The following KCNJ6 variants were observed in gnomAD, a reference collection of about 807,000 sequenced individuals.
KCNJ6 encodes G protein-activated inward rectifier potassium channel 2.
KCNJ6 carries 9 observed loss-of-function variants against 34.2 expected under a neutral mutation model. The ratio of observed to expected loss-of-function variants is 0.26; its 90% CI spans 0.16 to 0.46. The LOEUF is 0.46. Ranked by LOEUF, KCNJ6 falls within the 20% of genes least tolerant of loss-of-function variation. The pLI is 1.00. For missense variants in KCNJ6, 236 were observed against 531.3 expected (o/e 0.44, Z 5.46); for synonymous variants, 196 against 207.1 (o/e 0.95, Z 0.46).
At chr21:37,811,283 A>C (rs1195188935) in intron 2 of KCNJ6, among the ~76,000 whole-genome samples, 1 of 152,190 alleles carries the variant, frequency 6.6e-6, no homozygotes, top group African/African-American at 2.4e-5. Flanking sequence ...CCTTTATAAC[A>C]AGCTGGTAAA....
chr21:37,900,818 C>A (rs1465676864), intron 1 of KCNJ6, among the ~76,000 whole-genome samples: 2 of 152,010 alleles, frequency 1.3e-5, no homozygotes, highest in African/African-American at 2.4e-5. Flanking sequence ...GGAGTGAGAC[C>A]CACAGTAAAA....
chr21:37,725,735 G>A (rs2054851063), intron 2 of KCNJ6, among the ~76,000 whole-genome samples: 1 of 152,130 alleles, frequency 6.6e-6, no homozygotes, highest in African/African-American at 2.4e-5. Context: ...TTTTATAATA[G>A]TGAAAAATCA....
intron 2 of KCNJ6, among the ~76,000 whole-genome samples, chr21:37,803,372 TAGTAGAACAAGACATC>T (rs2055278784): frequency 6.6e-6 from 1 of 152,140 alleles, no homozygotes; most frequent in Non-Finnish European, 1.5e-5. Flanking sequence ...GAAATGTACT[TAGTAGAACAAGACATC>T]AATCCACCAC....
chr21:37,790,863 C>A (rs372854047), intron 2 of KCNJ6, among the ~76,000 whole-genome samples: 1 of 152,220 alleles, frequency 6.6e-6, no homozygotes, highest in African/African-American at 2.4e-5. Flanking sequence ...AAGGATCATA[C>A]TGGTGTTTGC....
intron 3 of KCNJ6, among the ~76,000 whole-genome samples, chr21:37,660,100 C>G (rs890328277): frequency 1.3e-5 from 2 of 152,226 alleles, no homozygotes; most frequent in Non-Finnish European, 2.9e-5. Context: ...TTTGGTGTGC[C>G]CACTTCCTGG....
chr21:37,637,155 T>C (rs746681661), intron 3 of KCNJ6, among the ~76,000 whole-genome samples: 5 of 152,184 alleles, frequency 3.3e-5, no homozygotes, highest in Non-Finnish European at 7.3e-5. Context: ...TGTGGGAGAA[T>C]GATGTTGGTG....
intron 2 of KCNJ6, among the ~76,000 whole-genome samples, chr21:37,731,027 G>A (rs1235474382): frequency 6.6e-6 from 1 of 152,154 alleles, no homozygotes; most frequent in Non-Finnish European, 1.5e-5. Flanking sequence ...ATAGGAGATT[G>A]AACCCTCCAT....
chr21:37,899,441 TTC>T (rs531816506), intron 1 of KCNJ6, among the ~76,000 whole-genome samples: 5 of 152,200 alleles, frequency 3.3e-5, no homozygotes, highest in Admixed American at 6.5e-5. Context: ...CTCTGCTTCT[TTC>T]TCTCTCTTTC....
Position 37,887,960 on chromosome 21 carries a change from C to T in KCNJ6, c.-28+27924G>A, listed in dbSNP as rs192294387. 2.7e-3 allele frequency among the ~76,000 whole-genome samples: 407 copies of T among 152,344 alleles called. 1 individual carries two copies. Among genetic ancestry groups the T allele is most frequent in the African/African-American group, 8.8e-3 (365 of 41,578 alleles). On this transcript the variant is annotated intron_variant, in intron 1 of 3. Coordinates refer to ENST00000609713, the MANE Select transcript of KCNJ6 (RefSeq NM_002240.5). ...AGGTGGCCTCTGAAGCTGTGTGGGC[C>T]TGAGGCAGTCAGCCAGGCTGGCCAG...
At chr21:37,847,963 T>C (rs932778130) in intron 1 of KCNJ6, among the ~76,000 whole-genome samples, 3 of 151,722 alleles carry the variant, frequency 2.0e-5, no homozygotes, top group Non-Finnish European at 2.9e-5. Flanking sequence ...AGAAATGGCA[T>C]GAGGAAAGGT....
chr21:37,759,644 G>A (rs2055050301), intron 2 of KCNJ6, among the ~76,000 whole-genome samples: 2 of 152,244 alleles, frequency 1.3e-5, no homozygotes, highest in South Asian at 4.2e-4. Context: ...AGCACTGTTG[G>A]TCTTCTCCAT....
chr21:37,727,457 A>G (rs1569452965), intron 2 of KCNJ6, among the ~76,000 whole-genome samples: 3 of 44,612 alleles, frequency 6.7e-5, no homozygotes, highest in Non-Finnish European at 1.2e-4. Context: ...GTGAGGACTC[A>G]CGTGTGTGTG....
intron 3 of KCNJ6, among the ~76,000 whole-genome samples, chr21:37,651,692 G>C (rs547125067): frequency 1.3e-5 from 2 of 152,216 alleles, no homozygotes; most frequent in Non-Finnish European, 1.5e-5. Flanking sequence ...CAGTGGAGCT[G>C]TACACCAACA....
At chr21:37,878,875 C>T (rs942422384) in intron 1 of KCNJ6, among the ~76,000 whole-genome samples, 1 of 152,156 alleles carries the variant, frequency 6.6e-6, no homozygotes, top group African/African-American at 2.4e-5. Context: ...GTGAAAATGG[C>T]GATCCCGTGT....
chr21:37,789,062 A>C (rs2835962), intron 2 of KCNJ6, among the ~76,000 whole-genome samples: 14,393 of 152,258 alleles, frequency 0.095, 841 homozygotes, highest in South Asian at 0.2. Context: ...TCTTACTTCC[A>C]AGTCTTCCTT....
intron 1 of KCNJ6, among the ~76,000 whole-genome samples, chr21:37,841,491 TA>T (rs1448754014): frequency 4.6e-5 from 7 of 152,228 alleles, no homozygotes; most frequent in African/African-American, 1.7e-4. Flanking sequence ...TCTGTGAAAC[TA>T]AAATATGTTC....
intron 3 of KCNJ6, among the ~76,000 whole-genome samples, chr21:37,706,879 T>C (rs1331041496): frequency 6.6e-6 from 1 of 152,234 alleles, no homozygotes; most frequent in Admixed American, 6.5e-5. Flanking sequence ...ATGAAAAATC[T>C]AGGAGAGGAA....
intron 2 of KCNJ6, among the ~76,000 whole-genome samples, chr21:37,817,011 T>G (rs1008244937): frequency 6.6e-5 from 10 of 152,210 alleles, no homozygotes; most frequent in African/African-American, 2.4e-4. Context: ...CCTGAATGCA[T>G]GAGTTCAAAT....
At chr21:37,747,628 G>T (rs2054973972) in intron 2 of KCNJ6, among the ~76,000 whole-genome samples, 1 of 152,168 alleles carries the variant, frequency 6.6e-6, no homozygotes, top group African/African-American at 2.4e-5. Context: ...AAGTGGGAGA[G>T]GGAGGCAGGA....
Sources: gnomAD v4.1 joint callset for allele counts (sites outside exome capture counted in the v4.1 genomes callset) on GRCh38, gnomAD v4.1.1 for gene constraint, MANE v1.5 for transcripts, NCBI Gene and HGNC (gene_info 2026-07-23, HGNC 2026-07-21) for gene names.